Variants in IGF2R observed in about 807,000 individuals in gnomAD.
IGF2R encodes cation-independent mannose-6-phosphate receptor.
IGF2R carries 91 observed loss-of-function variants against 270.6 expected under a neutral mutation model. That is an observed-to-expected ratio of 0.34 (90% CI 0.28 to 0.40). The LOEUF is 0.40. Among genes scored for constraint, IGF2R ranks in the 10% least tolerant of loss-of-function variants. IGF2R has a pLI of 1.00. For synonymous variants in IGF2R, 1,316 were observed against 1,258.9 expected, an observed-to-expected ratio of 1.05 and a Z score of -0.96; for missense variants, 2,805 against 3,188.3, an observed-to-expected ratio of 0.88 and a Z score of 2.90.
At chr6:160,015,598 G>C (rs1194096308) in intron 4 of IGF2R, among the ~76,000 whole-genome samples, 1 of 152,174 alleles carries the variant, frequency 6.6e-6, no homozygotes, top group Non-Finnish European at 1.5e-5. Context: ...TCATGAAACT[G>C]TACTGCAAAG....
At chr6:160,023,055 G>A in intron 4 of IGF2R, among the ~76,000 whole-genome samples, 1 of 152,172 alleles carries the variant, frequency 6.6e-6, no homozygotes, top group East Asian at 1.9e-4. Context: ...AGGGAGAGGT[G>A]TGGCCTGATT....
rs1179489832 is a variant in IGF2R, at chr6:160,089,222, A to C, written c.6436A>C (p.Lys2146Gln). The stretch of plus-strand genomic sequence containing the variant: ...GACCATCACCAACCCTATAAATGGC[A>C]AGAGCTTCAGCCTCGGAGATATTTA... ...NGTITNPING[K>Q]SFSLGDIYFK... Residue 2146 changes from lysine to glutamine, a missense_variant, in exon 43 of 48, where the codon AAG becomes CAG. By Grantham distance (53) the Lys-to-Gln change is moderately conservative. Around this residue, in one of 2 missense-constraint regions of IGF2R, gnomAD observed 1,851 missense variants for 2,207.2 expected, o/e 0.84. Coordinates refer to ENST00000356956, the MANE Select transcript of IGF2R (RefSeq NM_000876.4). 2 of 1,611,632 alleles carry C rather than the reference A, an allele frequency of 1.2e-6. No homozygotes were observed. Among genetic ancestry groups the C allele is most frequent in the Admixed American group, 3.3e-5 (2 of 59,810 alleles).
chr6:159,976,865 G>C lies in IGF2R; in HGVS notation c.149+7470G>C, dbSNP rs189341278. On this transcript the variant is annotated intron_variant, in intron 1 of 47. Transcript: ENST00000356956. ...CCTAACACCTAGTCAAGTTGGGAGG[G>C]TATTATGTGTTTGGAAAAAAAGTTC... Among the ~76,000 whole-genome samples, 159 of 152,248 alleles carry C rather than the reference G, an allele frequency of 1.0e-3. 1 individual carries two copies. The Middle Eastern group carries it at 0.014, about 13-fold the overall frequency.
Position 160,008,955 on chromosome 6 carries a change from G to A in IGF2R, c.290-55G>A, listed in dbSNP as rs186426014. On this transcript the variant is annotated intron_variant, in intron 2 of 47. Coordinates refer to ENST00000356956, the MANE Select transcript of IGF2R (RefSeq NM_000876.4). ...TTTAATTTGCTTTTCCTTGGAAATA[G>A]CTGTTTGGTTATGTATGTTTTATAG... 3.1e-5 allele frequency: 48 copies of A among 1,573,508 alleles called. 1 individual carries two copies. The Middle Eastern group carries it at 6.7e-4, about 22-fold the overall frequency.
intron 39 of IGF2R, among the ~76,000 whole-genome samples, chr6:160,082,947 T>C (rs1321656898): frequency 6.6e-6 from 1 of 152,152 alleles, no homozygotes; most frequent in Non-Finnish European, 1.5e-5. Context: ...TTGTGGGTAT[T>C]TCTAGTCGGG....
intron 4 of IGF2R, among the ~76,000 whole-genome samples, chr6:160,021,963 A>G (rs1777447036): frequency 6.6e-6 from 1 of 151,944 alleles, no homozygotes; most frequent in East Asian, 1.9e-4. Flanking sequence ...TCACAGTAGC[A>G]AAGATACGGA....
At chr6:159,984,431 T>C (rs1783850374) in intron 1 of IGF2R, among the ~76,000 whole-genome samples, 1 of 151,758 alleles carries the variant, frequency 6.6e-6, no homozygotes, top group East Asian at 1.9e-4. Flanking sequence ...ACTCACTCAC[T>C]GACTCACCCA....
chr6:160,079,728 A>G lies in IGF2R; in HGVS notation c.5627A>G (p.Tyr1876Cys). The G allele has an allele frequency of 6.7e-7, 1 of 1,497,044 alleles. No homozygotes were observed. Among genetic ancestry groups the G allele is most frequent in the Non-Finnish European group, 8.9e-7 (1 of 1,122,122 alleles). The allele number at this position is 1,497,044 out of a possible 1,614,324, so 92.7% of individuals were successfully genotyped here. The change falls in exon 38 of 48, where the codon TAC (tyrosine) becomes TGC (cysteine). Residue 1876 changes from tyrosine (Y) to cysteine (C), a missense_variant. Coordinates refer to ENST00000356956, the MANE Select transcript of IGF2R (RefSeq NM_000876.4). ...CGGCTGCAATCAATGAAACTGGATTACAGGCACCAGGATGAAGCGGTCGTT... is the reference window on the plus strand; with the variant it reads ...CGGCTGCAATCAATGAAACTGGATTGCAGGCACCAGGATGAAGCGGTCGTT... Reference protein sequence around the residue: ...FGRLQSMKLDYRHQDEAVVLS... With the variant: ...FGRLQSMKLDCRHQDEAVVLS...
At chr6:159,997,782 C>G (rs1583249361) in intron 2 of IGF2R, among the ~76,000 whole-genome samples, 1 of 152,246 alleles carries the variant, frequency 6.6e-6, no homozygotes, top group Non-Finnish European at 1.5e-5. Context: ...GAACCGGCCT[C>G]TGGCAACTCT....
chr6:159,991,695 C>T (rs1365595302), intron 2 of IGF2R, among the ~76,000 whole-genome samples: 2 of 152,212 alleles, frequency 1.3e-5, no homozygotes, highest in African/African-American at 4.8e-5. Context: ...GCTCCCCCGA[C>T]TCCCATTCCT....
Position 160,068,191 on chromosome 6 carries a change from C to G in IGF2R, c.4116-58C>G, listed in dbSNP as rs552969589. On this transcript the variant is annotated intron_variant, in intron 29 of 47. Transcript: ENST00000356956. ...ACTTGAACGTTTCTAGACAGAGTGC[C>G]CAATGTTTAAAGAGAATACGACCAA... 102 of 1,587,660 alleles carry G rather than the reference C, an allele frequency of 6.4e-5. No individual in the cohort carries two copies. The East Asian group carries it at 7.5e-4, about 12-fold the overall frequency.
In IGF2R at chr6:160,073,833, C is replaced by T. The variant is rs1778798614; in HGVS notation, c.5024C>T (p.Ala1675Val). ...ATTCATCGCACTGGTGGTTATGAGG[C>T]TTATGATGAGAGTGAGGATGATGCC... Reference protein sequence around the residue: ...PLIHRTGGYEAYDESEDDASD... With the variant: ...PLIHRTGGYEVYDESEDDASD... The change falls in exon 35 of 48, where the codon GCT becomes GTT. Residue 1675 changes from alanine (A) to valine (V), a missense_variant. By Grantham distance (64) the Ala-to-Val change is moderately conservative (BLOSUM62 0). Coordinates refer to ENST00000356956, the MANE Select transcript of IGF2R (RefSeq NM_000876.4). The T allele has an allele frequency of 6.2e-7, 1 of 1,613,856 alleles. No individual in the cohort carries two copies. The highest frequency in any genetic ancestry group is 1.7e-5 in the Admixed American group (1 of 60,004).
At chr6:160,076,597 G>T (rs533089487) in intron 36 of IGF2R, among the ~76,000 whole-genome samples, 1 of 152,288 alleles carries the variant, frequency 6.6e-6, no homozygotes, top group African/African-American at 2.4e-5. Flanking sequence ...ATTCCACAGG[G>T]ACTCAGAGTA....
intron 44 of IGF2R, chr6:160,093,765 G>A (rs1028892383): frequency 1.3e-5 from 10 of 750,552 alleles, no homozygotes; most frequent in East Asian, 2.5e-5. Context: ...TTTGCTTTTC[G>A]ACTATATGAT....
chr6:160,021,290 G>T (rs542993938), intron 4 of IGF2R, among the ~76,000 whole-genome samples: 25 of 151,952 alleles, frequency 1.6e-4, no homozygotes, highest in Non-Finnish European at 3.2e-4. Flanking sequence ...CATGTCCTTT[G>T]TAGGGACATG....
At chr6:160,067,393 C>G (rs974589161) in intron 29 of IGF2R, among the ~76,000 whole-genome samples, 2 of 152,108 alleles carry the variant, frequency 1.3e-5, no homozygotes, top group Admixed American at 6.6e-5. Context: ...TCCCCCTTAT[C>G]TGCCTTTTTT....
chr6:159,979,932 C>T (rs1783753333), intron 1 of IGF2R, among the ~76,000 whole-genome samples: 1 of 152,186 alleles, frequency 6.6e-6, no homozygotes, highest in Non-Finnish European at 1.5e-5. Context: ...TGGCTCATGC[C>T]TGTAATCCCA....
intron 12 of IGF2R, among the ~76,000 whole-genome samples, 192 bp downstream of exon 12, chr6:160,043,480 T>TAG (rs1777992569): frequency 6.6e-6 from 1 of 152,230 alleles, no homozygotes; most frequent in Non-Finnish European, 1.5e-5. Context: ...TGAAGTTGGC[T>TAG]AGAGCTCCCT....
At chr6:160,010,858 T>C in intron 4 of IGF2R, 73 bp downstream of exon 4, 1 of 867,176 alleles carries the variant, frequency 1.2e-6, no homozygotes, top group Admixed American at 2.2e-5. Context: ...ATACTGATTC[T>C]AACCTTTCCG....
Sources: gnomAD v4.1 joint callset for allele counts (sites outside exome capture counted in the v4.1 genomes callset) on GRCh38, gnomAD v4.1.1 for gene constraint, gnomAD v4.1.1 regional missense constraint, MANE v1.5 for transcripts, NCBI Gene and HGNC (gene_info 2026-07-23, HGNC 2026-07-21) for gene names.